Variants in DNPEP observed in about 807,000 individuals in gnomAD.
The protein encoded by DNPEP is aspartyl aminopeptidase.
Under a neutral mutation model 59.1 loss-of-function variants are expected in DNPEP, and 46 were observed. That is an observed-to-expected ratio of 0.78 (90% confidence interval 0.61 to 0.99). The LOEUF is 0.99. Ranked by LOEUF, DNPEP falls within the 50% of genes least tolerant of loss-of-function variation. DNPEP has a pLI of 0.00. For synonymous variants in DNPEP, 229 were observed against 242.2 expected, an observed-to-expected ratio of 0.95 and a Z score of 0.50; for missense variants, 617 against 649.9, an observed-to-expected ratio of 0.95 and a Z score of 0.55.
At chr2:219,387,664 G>A (rs1163598576) in intron 1 of DNPEP, 95 bp downstream of exon 1, 3 of 1,572,882 alleles carry the variant, frequency 1.9e-6, no homozygotes, top group Admixed American at 1.8e-5. Context: ...TGGGTCAGGC[G>A]GCCCCACTGC....
upstream of DNPEP, among the ~76,000 whole-genome samples, chr2:219,391,872 T>TA (rs5838738): frequency 0.85 from 118,088 of 138,566 alleles, 51,453 homozygotes; most frequent in South Asian, 0.96. Flanking sequence ...TAGCAGTTCA[T>TA]AAAAAAAAAA....
chr2:219,381,677 C>T, intron 11 of DNPEP, 93 bp from the exon 12 acceptor site: 1 of 1,370,250 alleles, frequency 7.3e-7, no homozygotes, highest in Non-Finnish European at 1.0e-6. Context: ...TAATAGATCA[C>T]CACTCTTTCC....
In DNPEP at chr2:219,373,016, A is replaced by G. The variant is rs991324578; in HGVS notation, c.*1276T>C. 6.6e-6 allele frequency among the ~76,000 whole-genome samples: 1 copy of G among 152,044 alleles called. No individual in the cohort carries two copies. The highest frequency in any genetic ancestry group is 2.4e-5 in the African/African-American group (1 of 41,430). On this transcript the variant is annotated 3_prime_UTR_variant, in exon 15 of 15. Transcript: ENST00000273075. ...GATTGGAAGGACACCAGTTTGCACA[A>G]TTATTTTAGTGGAAGGAAGGAGGTT...
chr2:219,373,268 A>C lies in DNPEP; in HGVS notation c.*1024T>G, dbSNP rs1559327766. ...TTTTTAGCAGGGACAGGGTTTCTCC[A>C]TGTTGGTCAGGCTGGTCTTGAACTC... On this transcript the variant is annotated 3_prime_UTR_variant, in exon 15 of 15. Coordinates refer to ENST00000273075, the MANE Select transcript of DNPEP (RefSeq NM_012100.4). 6.6e-6 allele frequency among the ~76,000 whole-genome samples: 1 copy of C among 151,720 alleles called. No individual in the cohort carries two copies. The highest frequency in any genetic ancestry group is 6.6e-5 in the Admixed American group (1 of 15,192).
At chr2:219,395,657 G>A (rs576363741) in intron 1 of DNPEP, among the ~76,000 whole-genome samples, 20 of 152,246 alleles carry the variant, frequency 1.3e-4, no homozygotes, top group Non-Finnish European at 2.9e-4. Flanking sequence ...CTTGGCGTTA[G>A]CCTTGGTGCA....
At chr2:219,379,559 C>A (rs1315221245) in intron 13 of DNPEP, among the ~76,000 whole-genome samples, 1 of 152,096 alleles carries the variant, frequency 6.6e-6, no homozygotes. Flanking sequence ...AATAGCTGTA[C>A]TATGTGTTTG....
intron 9 of DNPEP, 99 bp from the exon 10 acceptor site, chr2:219,383,313 C>A: frequency 1.0e-6 from 1 of 985,296 alleles, no homozygotes. Context: ...CATCCACCAG[C>A]ACCTTGGGTG....
intron 8 of DNPEP, chr2:219,385,159 C>T: frequency 2.4e-6 from 1 of 417,548 alleles, no homozygotes. Context: ...TCAAAGCAGA[C>T]AGGGCCCACC....
In DNPEP at chr2:219,374,053, GAGATTTAAAACC is replaced by G. The variant is rs564522301; in HGVS notation, c.*227_*238del. On this transcript the variant is annotated 3_prime_UTR_variant, in exon 15 of 15. Transcript: ENST00000273075. ...TCAGACATGGACTTGAGACAGAGAA[GAGATTTAAAACC>G]AGATTTAAAACCATCAGCTCCCAGG... is the stretch of plus-strand genomic sequence containing the variant. 25 of 496,860 alleles carry G rather than the reference GAGATTTAAAACC, an allele frequency of 5.0e-5. No individual in the cohort carries two copies. Among genetic ancestry groups the G allele is most frequent in the Non-Finnish European group, 7.2e-5 (20 of 276,846 alleles). 30.8% of individuals were successfully genotyped at this position (496,860 alleles called of 1,614,324 possible).
rs751244985 is a variant in DNPEP at position 219,381,392 on chromosome 2, G to A, written c.1182C>T (p.Asn394=). 2.5e-6 allele frequency: 4 copies of A among 1,614,132 alleles called. No homozygotes were observed. The highest frequency in any genetic ancestry group is 3.4e-6 in the Non-Finnish European group (4 of 1,180,050). The change falls in exon 13 of 15, where the codon AAC becomes AAT. Residue 394 remains asparagine, a synonymous_variant. Coordinates refer to ENST00000273075, the MANE Select transcript of DNPEP (RefSeq NM_012100.4). ...KVNSKQRYAS[N]AVSEALIREV... The stretch of plus-strand genomic sequence containing the variant: ...CTCGGATCAGGGCCTCTGACACCGC[G>A]TTTGAAGCATAGCGTTGCTTGCTGT...
intron 9 of DNPEP, among the ~76,000 whole-genome samples, 196 bp from the exon 10 acceptor site, chr2:219,383,410 T>C (rs970498589): frequency 3.3e-5 from 5 of 152,182 alleles, no homozygotes; most frequent in African/African-American, 7.2e-5. Context: ...GACCTTTTTT[T>C]TCTTGCCAAA....
chr2:219,395,708 C>G (rs1350422072), intron 1 of DNPEP, among the ~76,000 whole-genome samples: 1 of 152,200 alleles, frequency 6.6e-6, no homozygotes. Context: ...ATCAGCAAAC[C>G]CTGCCTCCCA....
At position 219,374,946 on chromosome 2, in the gene DNPEP, A is replaced by G. The variant is rs897009498; in HGVS notation, c.1316T>C (p.Val439Ala). Residue 439 changes from valine (V) to alanine (A), a missense_variant, in exon 14 of 15, where the codon GTG becomes GCG. By Grantham distance (64) the Val-to-Ala change is moderately conservative. Coordinates refer to ENST00000273075, the MANE Select transcript of DNPEP (RefSeq NM_012100.4). Reference protein sequence around the residue: ...PILASRLGLRVLDLGSPQLAM... With the variant: ...PILASRLGLRALDLGSPQLAM... ...CAGTTGGGGGCTGCCTAAATCCAGC[A>G]CCCGCAGCCCCAGCCGAGAAGCCAA... The G allele has an allele frequency of 5.0e-6, 8 of 1,613,828 alleles. No homozygotes were observed. The highest frequency in any genetic ancestry group is 3.3e-5 in the Admixed American group (2 of 59,964).
In DNPEP at chr2:219,386,672, C is replaced by A. The variant is rs569772365; in HGVS notation, c.326G>T (p.Cys109Phe). Residue 109 changes from cysteine to phenylalanine, a missense_variant, in exon 4 of 15, where the codon TGC (cysteine) becomes TTC (phenylalanine). Cys to Phe is a radical substitution (Grantham distance 205, BLOSUM62 -2). Transcript: ENST00000273075. ...SLIGAHTDSPCLRVKRRSRRS... is the reference protein window; with the variant it reads ...SLIGAHTDSPFLRVKRRSRRS... ...ACCGTCCGAGTTCCTTACCCGGAGG[C>A]AGGGGCTGTCCGTGTGGGCCCCGAT... 1.9e-6 allele frequency: 3 copies of A among 1,611,296 alleles called. No individual in the cohort carries two copies. Among genetic ancestry groups the A allele is most frequent in the South Asian group, 1.1e-5 (1 of 90,266 alleles).
At chr2:219,395,851 C>A (rs541662166) in intron 1 of DNPEP, among the ~76,000 whole-genome samples, 1 of 152,196 alleles carries the variant, frequency 6.6e-6, no homozygotes, top group Non-Finnish European at 1.5e-5. Flanking sequence ...TGGAAGTAAC[C>A]TGCTGGCCTG....
Position 219,374,121 on chromosome 2 carries a change from T to C in DNPEP, c.*171A>G. 1 of 633,532 alleles carries C rather than the reference T, an allele frequency of 1.6e-6. No homozygotes were observed. Among genetic ancestry groups the C allele is most frequent in the Non-Finnish European group, 2.7e-6 (1 of 366,146 alleles). 39.2% of individuals were successfully genotyped at this position (633,532 alleles called of 1,614,324 possible). On this transcript the variant is annotated 3_prime_UTR_variant, in exon 15 of 15. Coordinates refer to ENST00000273075, the MANE Select transcript of DNPEP (RefSeq NM_012100.4). ...GGCCTCCTCCACCTGCTCCCCAACT[T>C]TTCTGGTTCCAAAGGTTCAAGCCAG...
Position 219,386,088 on chromosome 2 carries a change from G to C in DNPEP, c.470C>G (p.Ser157Ter). ...AGRVIVKCPT[S>*]GRLEQQLVHV... ...CACCAGCTGCTGCTCCAGCCGACCTGAGGTAGGGCACTGCAGCCAGCCAGG... is the reference window on the plus strand; with the variant it reads ...CACCAGCTGCTGCTCCAGCCGACCTCAGGTAGGGCACTGCAGCCAGCCAGG... The change falls in exon 6 of 15, where the codon TCA becomes TGA. Residue 157 changes from serine to a stop codon, truncating the protein, a stop_gained. Transcript: ENST00000273075. LOFTEE classifies it high-confidence loss of function. The C allele has an allele frequency of 1.2e-6, 2 of 1,614,054 alleles. No individual in the cohort carries two copies. The highest frequency in any genetic ancestry group is 1.7e-6 in the Non-Finnish European group (2 of 1,180,000).
In DNPEP at chr2:219,394,960, GT is replaced by G. The variant is rs912982371; in HGVS notation, c.-158+4979del. Among the ~76,000 whole-genome samples, 84 of 144,210 alleles carry G rather than the reference GT, an allele frequency of 5.8e-4. 1 individual carries two copies. Among genetic ancestry groups the G allele is most frequent in the South Asian group, 1.3e-3 (6 of 4,488 alleles). The allele number at this position is 144,210 out of a possible 152,430, so 94.6% of individuals were successfully genotyped here. On this transcript the variant is annotated intron_variant, in intron 1 of 6. Transcript: ENST00000434339. ...ACCCAGAGCCAGCAAACAAGACAAG[GT>G]TTTTTTTTTTTTGAGAGGGAGTCTC...
intron 1 of DNPEP, among the ~76,000 whole-genome samples, chr2:219,394,056 C>A (rs1394755810): frequency 6.6e-6 from 1 of 152,248 alleles, no homozygotes; most frequent in East Asian, 1.9e-4. Context: ...CCTCCCTTAA[C>A]CCCCAGTCTC....
Sources: allele counts gnomAD v4.1 joint callset (sites outside exome capture counted in the v4.1 genomes callset), GRCh38; gene constraint gnomAD v4.1.1; transcripts MANE v1.5; gene names NCBI Gene and HGNC (gene_info 2026-07-23, HGNC 2026-07-21).